CFAP210: variants seen among roughly 807,000 people sequenced by gnomAD.
CFAP210 encodes the protein cilia- and flagella- associated protein 210.
chr2:169,661,685 T>C, the CFAP210 span, among the ~76,000 whole-genome samples: 2 of 152,338 alleles, frequency 1.3e-5, 1 homozygote, highest in Admixed American at 1.3e-4. Context: ...CATTTTCTCT[T>C]CTCTCTTTCT....
the CFAP210 span, among the ~76,000 whole-genome samples, chr2:169,672,096 A>G: frequency 2.0e-5 from 3 of 152,220 alleles, no homozygotes; most frequent in Non-Finnish European, 4.4e-5. Context: ...TTTTAAAGTA[A>G]CATGCATTCT....
chr2:169,662,404 CT>C, the CFAP210 span: 1 of 1,596,578 alleles, frequency 6.3e-7, no homozygotes, highest in Admixed American at 1.8e-5. Context: ...ATATTTTTTC[CT>C]TCTTTCCTCT....
At chr2:169,647,483 C>T in the CFAP210 span, among the ~76,000 whole-genome samples, 2 of 152,014 alleles carry the variant, frequency 1.3e-5, no homozygotes, top group East Asian at 3.9e-4. Context: ...AAAGTACCTT[C>T]GAAGTACATT....
chr2:169,648,611 A>G, the CFAP210 span, among the ~76,000 whole-genome samples: 1 of 152,224 alleles, frequency 6.6e-6, no homozygotes, highest in Non-Finnish European at 1.5e-5. Flanking sequence ...ATCTTTGGTC[A>G]TTAGAGAAAT....
chr2:169,679,668 G>C, the CFAP210 span, among the ~76,000 whole-genome samples: 1 of 111,450 alleles, frequency 9.0e-6, no homozygotes, highest in Non-Finnish European at 1.7e-5. Context: ...GTGACAGAAC[G>C]AGACTCCATC....
the CFAP210 span, among the ~76,000 whole-genome samples, chr2:169,656,685 C>T: frequency 6.6e-5 from 10 of 151,986 alleles, no homozygotes; most frequent in South Asian, 2.1e-4. Flanking sequence ...CAGAGTAGAC[C>T]GGGCGTGGTG....
chr2:169,669,766 C>T, the CFAP210 span, among the ~76,000 whole-genome samples: 316 of 136,560 alleles, frequency 2.3e-3, 1 homozygote, highest in African/African-American at 8.5e-3. Context: ...CACAGCGAGA[C>T]TCCGTCTTAA....
chr2:169,646,658 A>G, the CFAP210 span, among the ~76,000 whole-genome samples: 1 of 152,198 alleles, frequency 6.6e-6, no homozygotes, highest in East Asian at 1.9e-4. Context: ...CATTTACATT[A>G]TCTATTTCCC....
the CFAP210 span, among the ~76,000 whole-genome samples, chr2:169,678,475 A>G: frequency 6.6e-6 from 1 of 152,134 alleles, no homozygotes; most frequent in Non-Finnish European, 1.5e-5. Flanking sequence ...GAGATTCAAC[A>G]CAATCCCAAT....
chr2:169,681,069 CCTTT>C, the CFAP210 span: 2 of 1,613,710 alleles, frequency 1.2e-6, no homozygotes, highest in African/African-American at 2.7e-5. Context: ...TCTTTCTTTG[CCTTT>C]CTTTCTGCAC....
At chr2:169,652,338 C>CATTTCTGG in the CFAP210 span, among the ~76,000 whole-genome samples, 1 of 152,188 alleles carries the variant, frequency 6.6e-6, no homozygotes, top group African/African-American at 2.4e-5. Context: ...GAAAAGGTGA[C>CATTTCTGG]ATTTCTGGTA....
chr2:169,660,078 A>T, the CFAP210 span, among the ~76,000 whole-genome samples: 1 of 146,954 alleles, frequency 6.8e-6, no homozygotes, highest in African/African-American at 2.5e-5. Flanking sequence ...AATTTTGTTT[A>T]TCTTTAAAAA....
the CFAP210 span, among the ~76,000 whole-genome samples, chr2:169,679,778 A>G: frequency 6.6e-6 from 1 of 152,052 alleles, no homozygotes; most frequent in African/African-American, 2.4e-5. Flanking sequence ...AAGTGAGAAC[A>G]TGCAGTATTT....
chr2:169,661,113 T>G, the CFAP210 span: 2 of 558,748 alleles, frequency 3.6e-6, no homozygotes, highest in Non-Finnish European at 7.2e-6. Context: ...GACCTTTTAA[T>G]GCTGCTTCTA....
the CFAP210 span, among the ~76,000 whole-genome samples, chr2:169,654,389 A>C: frequency 6.6e-6 from 1 of 152,242 alleles, no homozygotes; most frequent in African/African-American, 2.4e-5. Context: ...TGTGTCATGT[A>C]ATTTATCTCA....
the CFAP210 span, among the ~76,000 whole-genome samples, chr2:169,652,861 C>G: frequency 5.4e-5 from 8 of 148,266 alleles, no homozygotes; most frequent in Non-Finnish European, 9.0e-5. Flanking sequence ...CTAGCCGGGC[C>G]TGGTGGCGGG....
chr2:169,649,922 C>CA, the CFAP210 span, among the ~76,000 whole-genome samples: 47,959 of 143,906 alleles, frequency 0.33, 8,931 homozygotes, highest in African/African-American at 0.53. Flanking sequence ...AACTCTGTCT[C>CA]AAAAAAAAAA....
At chr2:169,654,601 C>A in the CFAP210 span, among the ~76,000 whole-genome samples, 1 of 152,044 alleles carries the variant, frequency 6.6e-6, no homozygotes, top group African/African-American at 2.4e-5. Context: ...CATGTAAGTA[C>A]AACTTTATAA....
chr2:169,647,926 C>T, the CFAP210 span, among the ~76,000 whole-genome samples: 2 of 151,990 alleles, frequency 1.3e-5, no homozygotes. Context: ...AGGCCGAAGC[C>T]AAGGTGGGCA....
Sources: gnomAD v4.1 joint callset for allele counts (sites outside exome capture counted in the v4.1 genomes callset) on GRCh38, gnomAD v4.1.1 for gene constraint, MANE v1.5 for transcripts, NCBI Gene and HGNC (gene_info 2026-07-23, HGNC 2026-07-21) for gene names.